Variants in PDHX observed in about 807,000 individuals in gnomAD.
PDHX encodes the protein pyruvate dehydrogenase protein X component, mitochondrial.
A neutral mutation model predicts 55.3 loss-of-function variants in PDHX; 33 were observed. That is an observed-to-expected ratio of 0.60 (90% CI 0.45 to 0.80). PDHX has a LOEUF of 0.80. PDHX is among the 30% of genes least tolerant of loss of function. PDHX has a pLI of 0.00. For synonymous variants in PDHX, 226 were observed against 219.4 expected (o/e 1.03, Z -0.27); for missense variants, 622 against 619.9 (o/e 1.00, Z -0.04).
At chr11:34,984,303 T>C (rs1028648140) in intron 8 of PDHX, among the ~76,000 whole-genome samples, 1 of 152,190 alleles carries the variant, frequency 6.6e-6, no homozygotes, top group Non-Finnish European at 1.5e-5. Context: ...AAGCCCTTTT[T>C]CCCCACCATG....
rs1855601968 is a variant in PDHX, at chr11:34,984,690, G to A, written c.1144G>A (p.Ala382Thr). Reference protein sequence around the residue: ...GLLTPIIKDAAAKGIQEIADS... With the variant: ...GLLTPIIKDATAKGIQEIADS... ...ACTTACTCCAATCATAAAAGATGCT[G>A]CTGCTAAAGGTATCCAGGAAATTGC... The change falls in exon 9 of 11, where the codon GCT becomes ACT. Residue 382 changes from alanine (A) to threonine (T), a missense_variant. Ala to Thr is a moderately conservative substitution (Grantham distance 58, BLOSUM62 0). Coordinates refer to ENST00000227868, the MANE Select transcript of PDHX (RefSeq NM_003477.3). 5.6e-6 allele frequency: 9 copies of A among 1,613,954 alleles called. No homozygotes were observed. Among genetic ancestry groups the A allele is most frequent in the African/African-American group, 1.3e-5 (1 of 74,924 alleles).
At chr11:34,942,481 C>G (rs1349453418) in intron 2 of PDHX, among the ~76,000 whole-genome samples, 1 of 152,102 alleles carries the variant, frequency 6.6e-6, no homozygotes, top group African/African-American at 2.4e-5. Flanking sequence ...TGGTCAAGAT[C>G]ACTAGTAACT....
At chr11:34,942,566 A>C (rs1854513991) in intron 2 of PDHX, among the ~76,000 whole-genome samples, 1 of 152,192 alleles carries the variant, frequency 6.6e-6, no homozygotes, top group South Asian at 2.1e-4. Context: ...GAGTCTTTCT[A>C]AGTTATAGCA....
chr11:34,950,034 C>T (rs1854719239), intron 3 of PDHX, among the ~76,000 whole-genome samples: 1 of 152,084 alleles, frequency 6.6e-6, no homozygotes, highest in Non-Finnish European at 1.5e-5. Context: ...TCACCTTCTT[C>T]AGTTGGTTTC....
At chr11:34,949,313 C>T (rs921867083) in intron 3 of PDHX, among the ~76,000 whole-genome samples, 1 of 126,266 alleles carries the variant, frequency 7.9e-6, no homozygotes, top group Non-Finnish European at 1.6e-5. Context: ...GATCTTGGCT[C>T]ATCACAACCT....
intron 5 of PDHX, among the ~76,000 whole-genome samples, chr11:34,966,011 A>AT (rs1855123532): frequency 6.6e-6 from 1 of 152,172 alleles, no homozygotes; most frequent in South Asian, 2.1e-4. Flanking sequence ...CAAGACAAAA[A>AT]TACCTTTGTT....
intron 5 of PDHX, among the ~76,000 whole-genome samples, chr11:34,961,064 A>G (rs947012493): frequency 2.0e-5 from 3 of 152,158 alleles, no homozygotes; most frequent in Non-Finnish European, 4.4e-5. Context: ...AAATCTGATA[A>G]CAATAGCTTT....
chr11:34,940,790 CAT>C (rs1854455258), intron 2 of PDHX, among the ~76,000 whole-genome samples: 1 of 152,088 alleles, frequency 6.6e-6, no homozygotes, highest in Non-Finnish European at 1.5e-5. Flanking sequence ...GTCTATGTTT[CAT>C]ATAAATAGAA....
chr11:34,938,920 G>A (rs1467708853), intron 2 of PDHX, among the ~76,000 whole-genome samples: 4 of 152,164 alleles, frequency 2.6e-5, no homozygotes, highest in Non-Finnish European at 4.4e-5. Flanking sequence ...CCAACTGAAG[G>A]GAAATTTGTT....
At chr11:34,931,605 C>A in intron 2 of PDHX, 121 bp downstream of exon 2, 1 of 659,866 alleles carries the variant, frequency 1.5e-6, no homozygotes, top group Non-Finnish European at 2.7e-6. Flanking sequence ...AATTGTGTTC[C>A]TTTGGTAGTT....
At chr11:34,932,783 C>T (rs577608298) in intron 2 of PDHX, among the ~76,000 whole-genome samples, 1 of 152,276 alleles carries the variant, frequency 6.6e-6, no homozygotes, top group South Asian at 2.1e-4. Flanking sequence ...TAGACACAAA[C>T]ACACACTAGG....
chr11:34,916,150 T>G (rs2016814), upstream of PDHX: 20 of 1,544,478 alleles, frequency 1.3e-5, no homozygotes, highest in Non-Finnish European at 1.7e-5. Context: ...CCCGCTACCC[T>G]GCGCCCAGCT....
rs913609734 is a variant in PDHX at position 34,983,583 on chromosome 11, A to T, written c.1024-987A>T. On this transcript the variant is annotated intron_variant, in intron 8 of 10. Transcript: ENST00000227868. ...TAGGCAACTTCAGCAAAGTCTCAGA[A>T]TACACAATCAATGTGCAAAAATCAC... is the stretch of plus-strand genomic sequence containing the variant. Among the ~76,000 whole-genome samples the T allele has an allele frequency of 2.7e-4, 41 of 151,378 alleles. 1 individual carries two copies. Among genetic ancestry groups the T allele is most frequent in the Admixed American group, 2.6e-3 (39 of 15,294 alleles).
At chr11:34,980,089 C>T (rs1434665085) in intron 8 of PDHX, among the ~76,000 whole-genome samples, 1 of 150,058 alleles carries the variant, frequency 6.7e-6, no homozygotes, top group Non-Finnish European at 1.5e-5. Flanking sequence ...ATTTTAAAAG[C>T]TTATATTTTC....
At chr11:34,972,386 C>G (rs931051683) in intron 7 of PDHX, among the ~76,000 whole-genome samples, 2 of 128,730 alleles carry the variant, frequency 1.6e-5, no homozygotes, top group Non-Finnish European at 3.3e-5. Flanking sequence ...CTGTATCCCA[C>G]AAATGTTGAT....
Position 34,934,571 on chromosome 11 carries a change from A to ATTTTT in PDHX, c.241+3107_241+3111dup, listed in dbSNP as rs35227178. On this transcript the variant is annotated intron_variant, in intron 2 of 10. Transcript: ENST00000227868. The stretch of plus-strand genomic sequence containing the variant: ...GGCTGGATATTTAATGATATTATGG[A>ATTTTT]TTTTTTTTTTTTTTTTTTTTTTTTG... Among the ~76,000 whole-genome samples, 130 of 92,420 alleles carry ATTTTT rather than the reference A, an allele frequency of 1.4e-3. 4 individuals carry two copies. The highest frequency in any genetic ancestry group is 1.7e-3 in the East Asian group (5 of 2,984). 60.6% of individuals were successfully genotyped at this position (92,420 alleles called of 152,430 possible).
chr11:34,917,512 T>C (rs1411337623), intron 1 of PDHX, among the ~76,000 whole-genome samples: 2 of 152,186 alleles, frequency 1.3e-5, no homozygotes, highest in Non-Finnish European at 2.9e-5. Flanking sequence ...GGCCGGGTAT[T>C]ATTTTTCCTT....
intron 2 of PDHX, among the ~76,000 whole-genome samples, chr11:34,945,779 C>T (rs1191584814): frequency 6.6e-6 from 1 of 152,056 alleles, no homozygotes; most frequent in Non-Finnish European, 1.5e-5. Context: ...ACTTTAGGCT[C>T]AATTAAATTT....
chr11:34,916,590 G>T (rs1298578509), upstream of PDHX: 3 of 1,585,304 alleles, frequency 1.9e-6, no homozygotes, highest in East Asian at 2.3e-5. Context: ...CCAACCATGC[G>T]GGAGGCGGGG....
Sources: allele counts gnomAD v4.1 joint callset (sites outside exome capture counted in the v4.1 genomes callset), GRCh38; gene constraint gnomAD v4.1.1; transcripts MANE v1.5; gene names NCBI Gene and HGNC (gene_info 2026-07-23, HGNC 2026-07-21).